Variants in DNAH12 observed in about 807,000 individuals in gnomAD.
DNAH12 encodes the protein dynein axonemal heavy chain 12.
Under a neutral mutation model 371.5 loss-of-function variants are expected in DNAH12, and 285 were observed. The observed-to-expected ratio is 0.77, with a 90% CI of 0.70 to 0.85. The LOEUF (loss-of-function observed/expected upper bound fraction) is 0.85, where lower values mean the gene tolerates loss of function less well. Among genes scored for constraint, DNAH12 ranks in the 40% least tolerant of loss-of-function variants. DNAH12 has a pLI of 0.00. For synonymous variants in DNAH12, 1,200 were observed against 1,213.0 expected (o/e 0.99, Z 0.22); for missense variants, 3,611 against 3,689.4 (o/e 0.98, Z 0.55).
chr3:57,357,469 A>G (rs979153909), intron 58 of DNAH12, 121 bp from the exon 59 acceptor site: 103 of 152,306 alleles, frequency 6.8e-4, no homozygotes, highest in African/African-American at 2.4e-3. Flanking sequence ...TATGAGTTTA[A>G]GTATGGTTTA....
chr3:57,509,884 AAAAAAAG>A, intron 5 of DNAH12, among the ~76,000 whole-genome samples: 1 of 148,016 alleles, frequency 6.8e-6, no homozygotes, highest in African/African-American at 2.5e-5. Flanking sequence ...AAAAAAAAAA[AAAAAAAG>A]AAAGCAATTA....
At chr3:57,343,932 A>T (rs1432143687) in intron 60 of DNAH12, among the ~76,000 whole-genome samples, 1 of 152,190 alleles carries the variant, frequency 6.6e-6, no homozygotes, top group Non-Finnish European at 1.5e-5. Context: ...TAATTATAAC[A>T]TAGATTCTTT....
chr3:57,549,538 G>A, the DNAH12 span, among the ~76,000 whole-genome samples: 1 of 152,034 alleles, frequency 6.6e-6, no homozygotes, highest in African/African-American at 2.4e-5. Context: ...ATTGTTTAAA[G>A]ACAGCATGAG....
At chr3:57,370,454 A>G (rs1042680624) in intron 55 of DNAH12, among the ~76,000 whole-genome samples, 53 of 152,360 alleles carry the variant, frequency 3.5e-4, no homozygotes, top group African/African-American at 1.3e-3. Context: ...CAAAATCTCA[A>G]GACAGAAAGT....
chr3:57,326,559 G>C lies in DNAH12; in HGVS notation c.9979-2940C>G, dbSNP rs577825116. On this transcript the variant is annotated intron_variant, in intron 62 of 73. Coordinates refer to ENST00000495027, the MANE Select transcript of DNAH12 (RefSeq NM_001366028.2). ...TGCCCTAAAAGAGCTCCTGAAGGAAGCACTAAACATGGAAAGGAACAACCA... is the reference window on the plus strand; with the variant it reads ...TGCCCTAAAAGAGCTCCTGAAGGAACCACTAAACATGGAAAGGAACAACCA... Among the ~76,000 whole-genome samples, 21 of 152,200 alleles carry C rather than the reference G, an allele frequency of 1.4e-4. No individual in the cohort carries two copies. The East Asian group carries it at 3.5e-3, about 25-fold the overall frequency.
At chr3:57,511,788 A>G (rs1416196035) in intron 4 of DNAH12, among the ~76,000 whole-genome samples, 2 of 152,190 alleles carry the variant, frequency 1.3e-5, no homozygotes, top group African/African-American at 2.4e-5. Context: ...AATTTAGCAT[A>G]TGATAAACAT....
Position 57,502,463 on chromosome 3 carries a change from G to A in DNAH12, c.1103C>T (p.Pro368Leu). The part of the protein sequence containing the change: ...AEALQNVQTI[P>L]SWLSGTSTPV... Reference sequence around the variant, plus strand: ...TGTTGAAGTTCCTGATAGCCAAGAGGGGATTGTTTGGACATTCTAACACAA... The same window carrying A: ...TGTTGAAGTTCCTGATAGCCAAGAGAGGATTGTTTGGACATTCTAACACAA... Residue 368 changes from proline to leucine, a missense_variant, in exon 10 of 74, where the codon CCC becomes CTC. By Grantham distance (98) the Pro-to-Leu change is moderately conservative (BLOSUM62 -3). This residue lies in a region of DNAH12 where 1,314 missense variants were observed against 1,398.7 expected (regional missense o/e 0.94). Transcript: ENST00000495027. 3.1e-6 allele frequency: 5 copies of A among 1,613,974 alleles called. No individual in the cohort carries two copies. In the South Asian group the frequency reaches 5.5e-5, roughly 18 times the overall value.
At chr3:57,321,820 G>C (rs2061811701) in intron 65 of DNAH12, among the ~76,000 whole-genome samples, 1 of 152,150 alleles carries the variant, frequency 6.6e-6, no homozygotes, top group Non-Finnish European at 1.5e-5. Flanking sequence ...GCAGGGAAAT[G>C]AGTACTCTCT....
At chr3:57,419,556 G>A (rs2064499281) in intron 36 of DNAH12, 38 bp from the exon 37 acceptor site, 4 of 1,350,204 alleles carry the variant, frequency 3.0e-6, no homozygotes, top group Non-Finnish European at 3.8e-6. Context: ...TTAAAACCAT[G>A]TACTTGCTGT....
intron 65 of DNAH12, among the ~76,000 whole-genome samples, chr3:57,314,841 C>G (rs182875567): frequency 1.3e-5 from 2 of 152,226 alleles, no homozygotes; most frequent in Admixed American, 1.3e-4. Flanking sequence ...TCTGGACAAA[C>G]CATAGTAATA....
At chr3:57,310,482 C>CA (rs1488817030) in intron 67 of DNAH12, among the ~76,000 whole-genome samples, 1 of 152,104 alleles carries the variant, frequency 6.6e-6, no homozygotes, top group Admixed American at 6.5e-5. Context: ...TCCTTTCCTA[C>CA]AATACATGAA....
intron 60 of DNAH12, among the ~76,000 whole-genome samples, chr3:57,348,662 A>G (rs2062602194): frequency 6.6e-6 from 1 of 152,214 alleles, no homozygotes; most frequent in African/African-American, 2.4e-5. Context: ...CCTTTTCAAA[A>G]AAAGGATGGG....
chr3:57,408,671 G>A (rs4681730), intron 39 of DNAH12, 136 bp from the exon 40 acceptor site: 232,838 of 1,131,684 alleles, frequency 0.21, 25,859 homozygotes, highest in African/African-American at 0.25. Context: ...ACTTTGAGTA[G>A]GAGAGAAATT....
At chr3:57,389,820 G>GTGTGTGTGTGTATATATATATATA (rs2063573600) in intron 45 of DNAH12, among the ~76,000 whole-genome samples, 10 of 72,718 alleles carry the variant, frequency 1.4e-4, no homozygotes, top group African/African-American at 3.8e-4. Flanking sequence ...GTGTGTGTGT[G>GTGTGTGTGTGTATATATATATATA]TGTATATATA....
chr3:57,437,015 G>A lies in DNAH12; in HGVS notation c.4591C>T (p.Gln1531Ter). The change falls in exon 30 of 74, where the codon CAG becomes TAG. Residue 1531 changes from glutamine to a stop codon, truncating the protein, a stop_gained. Coordinates refer to ENST00000495027, the MANE Select transcript of DNAH12 (RefSeq NM_001366028.2). LOFTEE classifies it high-confidence loss of function. ...AHEACNVHNL[Q>*]PVKFFLEKII... is the part of the protein sequence containing the mutation. ...TTTTCAAGAAAAAATTTAACAGGCT[G>A]AAGATTATGTACATTGCAGGCTTCA... 6.6e-7 allele frequency: 1 copy of A among 1,510,554 alleles called. No individual in the cohort carries two copies. The highest frequency in any genetic ancestry group is 8.8e-7 in the Non-Finnish European group (1 of 1,136,366). 93.6% of individuals were successfully genotyped at this position (1,510,554 alleles called of 1,614,324 possible).
chr3:57,350,963 T>C (rs561435786), intron 60 of DNAH12, among the ~76,000 whole-genome samples: 2 of 152,130 alleles, frequency 1.3e-5, no homozygotes, highest in Non-Finnish European at 2.9e-5. Context: ...CAGATTTTTT[T>C]AACAACAATA....
intron 16 of DNAH12, among the ~76,000 whole-genome samples, chr3:57,469,745 C>T (rs1025687233): frequency 5.3e-5 from 8 of 152,122 alleles, no homozygotes; most frequent in African/African-American, 1.7e-4. Flanking sequence ...AAACCAAATA[C>T]CTCATGTTCT....
chr3:57,464,115 C>T (rs1033738488), intron 17 of DNAH12, among the ~76,000 whole-genome samples: 10 of 152,020 alleles, frequency 6.6e-5, no homozygotes, highest in African/African-American at 2.4e-4. Flanking sequence ...CCAGCTACCC[C>T]ACCACCCTGG....
At chr3:57,471,984 C>T (rs1290071074) in intron 14 of DNAH12, among the ~76,000 whole-genome samples, 8 of 152,074 alleles carry the variant, frequency 5.3e-5, no homozygotes, top group African/African-American at 1.7e-4. Context: ...ATGGAAGTCA[C>T]GTTCATGTTC....
Sources: allele counts gnomAD v4.1 joint callset (sites outside exome capture counted in the v4.1 genomes callset), GRCh38; gene constraint gnomAD v4.1.1; regional missense constraint gnomAD v4.1.1; transcripts MANE v1.5; gene names NCBI Gene and HGNC (gene_info 2026-07-23, HGNC 2026-07-21).